APOC2: variants seen among roughly 807,000 people sequenced by gnomAD.
APOC2 encodes the protein apolipoprotein C-II.
Under a neutral mutation model 10.2 loss-of-function variants are expected in APOC2, and 6 were observed. That is an observed-to-expected ratio of 0.59 (90% CI 0.32 to 1.16). The LOEUF (loss-of-function observed/expected upper bound fraction) is 1.16, where lower values mean the gene tolerates loss of function less well. Ranked by LOEUF, APOC2 falls within the 50% of genes most tolerant of loss-of-function variation. The pLI is 0.05. For missense variants in APOC2, 110 were observed against 117.6 expected (o/e 0.94, Z 0.30); for synonymous variants, 56 against 48.5 (o/e 1.15, Z -0.64).
chr19:44,948,389 C>A (rs546164458), intron 1 of APOC2, 77 bp from the exon 2 acceptor site: 17 of 1,252,752 alleles, frequency 1.4e-5, no homozygotes, highest in East Asian at 9.3e-5. Flanking sequence ...CTCAGTCCCC[C>A]CCACCAGAGT....
chr19:44,949,496 A>G lies in APOC2; in HGVS notation c.*247A>G. ...CATTTAATGAGCACCTACTTTATGTATGGAGCTCTAACCCATGGGTCCATG... is the reference window on the plus strand; with the variant it reads ...CATTTAATGAGCACCTACTTTATGTGTGGAGCTCTAACCCATGGGTCCATG... On this transcript the variant is annotated 3_prime_UTR_variant, in exon 4 of 4. Transcript: ENST00000252490. 1.8e-6 allele frequency: 1 copy of G among 558,960 alleles called. No individual in the cohort carries two copies. The highest frequency in any genetic ancestry group is 2.0e-5 in the South Asian group (1 of 49,796). 34.6% of individuals were successfully genotyped at this position (558,960 alleles called of 1,614,324 possible).
intron 1 of APOC2, among the ~76,000 whole-genome samples, chr19:44,946,815 C>CA (rs1232923745): frequency 6.6e-6 from 1 of 151,914 alleles, no homozygotes; most frequent in South Asian, 2.1e-4. Context: ...GAGCAAGACT[C>CA]AGTCTTGGCG....
At chr19:44,948,305 C>T in intron 1 of APOC2, 161 bp from the exon 2 acceptor site, 1 of 669,194 alleles carries the variant, frequency 1.5e-6, no homozygotes, top group Non-Finnish European at 2.8e-6. Context: ...GAAAGTGAGG[C>T]CCAAGAAGGG....
In APOC2 at chr19:44,948,391, C is replaced by G. The variant is rs12709887; in HGVS notation, c.-13-75C>G. Reference sequence around the variant, plus strand: ...CACAGAGCAGGATCTCAGTCCCCCCCACCAGAGTGGGGCGTGACCACAGGA... The same window carrying G: ...CACAGAGCAGGATCTCAGTCCCCCCGACCAGAGTGGGGCGTGACCACAGGA... On this transcript the variant is annotated intron_variant, in intron 1 of 3. Transcript: ENST00000252490. The G allele has an allele frequency of 2.6e-3, 3,299 of 1,278,286 alleles. 46 individuals are homozygous for G. The African/African-American group carries it at 0.034, about 13-fold the overall frequency. 79.2% of individuals were successfully genotyped at this position (1,278,286 alleles called of 1,614,324 possible). A position where few individuals can be genotyped will look rare whatever the true frequency, so the allele number is the denominator to read the frequency against.
chr19:44,948,737 T>C lies in APOC2; in HGVS notation c.92T>C (p.Met31Thr), dbSNP rs1280112768. The change falls in exon 3 of 4, where the codon ATG becomes ACG. Residue 31 changes from methionine to threonine, a missense_variant. By Grantham distance (81) the Met-to-Thr change is moderately conservative. Transcript: ENST00000252490. The stretch of plus-strand genomic sequence containing the variant: ...ACCCAACAGCCCCAGCAAGATGAGA[T>C]GCCTAGCCCGACCTTCCTCACCCAG... ...QGTQQPQQDE[M>T]PSPTFLTQVK... 1 of 1,614,024 alleles carries C rather than the reference T, an allele frequency of 6.2e-7. No homozygotes were observed. Among genetic ancestry groups the C allele is most frequent in the East Asian group, 2.2e-5 (1 of 44,884 alleles).
At chr19:44,948,388 C>A (rs1448244530) in intron 1 of APOC2, 78 bp from the exon 2 acceptor site, 9 of 1,241,948 alleles carry the variant, frequency 7.2e-6, no homozygotes, top group Admixed American at 6.7e-5. Context: ...TCTCAGTCCC[C>A]CCCACCAGAG....
At position 44,949,267 on chromosome 19, in the gene APOC2, A is replaced by G. The variant is rs759917728; in HGVS notation, c.*18A>G. 1.2e-6 allele frequency: 2 copies of G among 1,608,566 alleles called. No individual in the cohort carries two copies. Among genetic ancestry groups the G allele is most frequent in the Non-Finnish European group, 1.7e-6 (2 of 1,176,430 alleles). ...AGGAGTAACAGCCAGACCCCCCATC[A>G]GTGGACAAGGGGAGAGTCCCCTACT... On this transcript the variant is annotated 3_prime_UTR_variant, in exon 4 of 4. Transcript: ENST00000252490.
chr19:44,948,386 C>T lies in APOC2; in HGVS notation c.-13-80C>T, dbSNP rs1171025441. 5 of 1,205,540 alleles carry T rather than the reference C, an allele frequency of 4.1e-6. No individual in the cohort carries two copies. In the African/African-American group the frequency reaches 6.0e-5, roughly 15 times the overall value. The allele number at this position is 1,205,540 out of a possible 1,614,324, so 74.7% of individuals were successfully genotyped here. A position where few individuals can be genotyped will look rare whatever the true frequency, so the allele number is the denominator to read the frequency against. Reference sequence around the variant, plus strand: ...GCTCACACAGAGCAGGATCTCAGTCCCCCCCACCAGAGTGGGGCGTGACCA... The same window carrying T: ...GCTCACACAGAGCAGGATCTCAGTCTCCCCCACCAGAGTGGGGCGTGACCA... On this transcript the variant is annotated intron_variant, in intron 1 of 3. Transcript: ENST00000252490.
chr19:44,946,788 C>T (rs1970326585), intron 1 of APOC2, among the ~76,000 whole-genome samples: 1 of 151,724 alleles, frequency 6.6e-6, no homozygotes, highest in Non-Finnish European at 1.5e-5. Context: ...TGCCACTGTA[C>T]TCTAGCCTGG....
chr19:44,948,295 GA>G (rs1970344041), intron 1 of APOC2, 170 bp from the exon 2 acceptor site: 1 of 647,762 alleles, frequency 1.5e-6, no homozygotes, highest in South Asian at 1.7e-5. Context: ...CAGAATGTTG[GA>G]AAGTGAGGCC....
rs1335620107 is a variant in APOC2 at position 44,949,418 on chromosome 19, G to A, written c.*169G>A. The stretch of plus-strand genomic sequence containing the variant: ...CAAGTTGCTTCTCATGGATGGCACT[G>A]CTTTTCTGAGGACTCAAGGGCCAAG... On this transcript the variant is annotated 3_prime_UTR_variant, in exon 4 of 4. Transcript: ENST00000252490. 6.2e-6 allele frequency: 4 copies of A among 648,624 alleles called. No homozygotes were observed. Among genetic ancestry groups the A allele is most frequent in the Non-Finnish European group, 8.3e-6 (3 of 363,016 alleles). The allele number at this position is 648,624 out of a possible 1,614,324, so 40.2% of individuals were successfully genotyped here.
chr19:44,948,823 G>C lies in APOC2; in HGVS notation c.178G>C (p.Glu60Gln). Residue 60 changes from glutamate (E) to glutamine (Q), a missense_variant, in exon 3 of 4, where the codon GAG becomes CAG. Transcript: ENST00000252490. ...AAAGACAGCCGCCCAGAACCTGTAC[G>C]AGAAGACATACCTGCCCGCTGTAGA... ...SAKTAAQNLY[E>Q]KTYLPAVDEK... The C allele has an allele frequency of 6.2e-7, 1 of 1,613,886 alleles. No individual in the cohort carries two copies. The highest frequency in any genetic ancestry group is 8.5e-7 in the Non-Finnish European group (1 of 1,180,018).
intron 1 of APOC2, among the ~76,000 whole-genome samples, chr19:44,946,449 G>A (rs572723052): frequency 8.9e-4 from 136 of 152,260 alleles, no homozygotes; most frequent in African/African-American, 3.1e-3. Flanking sequence ...TTGAGCCCAG[G>A]AGTTTGAGGA....
chr19:44,948,764 T>G lies in APOC2; in HGVS notation c.119T>G (p.Val40Gly). Residue 40 changes from valine to glycine, a missense_variant, in exon 3 of 4, where the codon GTG (valine) becomes GGG (glycine). Coordinates refer to ENST00000252490, the MANE Select transcript of APOC2 (RefSeq NM_000483.5). The part of the protein sequence containing the change: ...EMPSPTFLTQ[V>G]KESLSSYWES... ...CCTAGCCCGACCTTCCTCACCCAGG[T>G]GAAGGAATCTCTCTCCAGTTACTGG... The G allele has an allele frequency of 1.9e-6, 3 of 1,614,116 alleles. No homozygotes were observed. The highest frequency in any genetic ancestry group is 2.5e-6 in the Non-Finnish European group (3 of 1,180,010).
intron 1 of APOC2, among the ~76,000 whole-genome samples, chr19:44,946,595 G>A (rs1288160321): frequency 6.6e-6 from 1 of 152,086 alleles, no homozygotes; most frequent in Non-Finnish European, 1.5e-5. Context: ...GCCGAGGCGG[G>A]TGGATCACTT....
chr19:44,949,302 C>T lies in APOC2; in HGVS notation c.*53C>T. ...GGGAGAGTCCCCTACTCCCCTGATCCCCCAGGTTCAGACTGAGCTCCCCCT... is the reference window on the plus strand; with the variant it reads ...GGGAGAGTCCCCTACTCCCCTGATCTCCCAGGTTCAGACTGAGCTCCCCCT... On this transcript the variant is annotated 3_prime_UTR_variant, in exon 4 of 4. Transcript: ENST00000252490. 2.7e-6 allele frequency: 4 copies of T among 1,473,490 alleles called. No individual in the cohort carries two copies. Among genetic ancestry groups the T allele is most frequent in the Non-Finnish European group, 3.8e-6 (4 of 1,061,704 alleles). 91.3% of individuals were successfully genotyped at this position (1,473,490 alleles called of 1,614,324 possible).
Position 44,948,494 on chromosome 19 carries a change from C to T in APOC2, c.16C>T (p.Leu6Phe). The T allele has an allele frequency of 6.2e-7, 1 of 1,614,132 alleles. No individual in the cohort carries two copies. The highest frequency in any genetic ancestry group is 1.1e-5 in the South Asian group (1 of 91,070). The change falls in exon 2 of 4, where the codon CTC (leucine) becomes TTC (phenylalanine). Residue 6 changes from leucine (L) to phenylalanine (F), a missense_variant. Physicochemically the swap from Leu to Phe is conservative, Grantham distance 22 (BLOSUM62 0). Coordinates refer to ENST00000252490, the MANE Select transcript of APOC2 (RefSeq NM_000483.5). Reference sequence around the variant, plus strand: ...TCTGGACACTATGGGCACACGACTCCTCCCAGCTCTGTTTCTTGTCCTCCT... The same window carrying T: ...TCTGGACACTATGGGCACACGACTCTTCCCAGCTCTGTTTCTTGTCCTCCT... MGTRL[L>F]PALFLVLLVL...
chr19:44,947,529 TC>T (rs1274569047), intron 1 of APOC2, among the ~76,000 whole-genome samples: 1 of 152,182 alleles, frequency 6.6e-6, no homozygotes, highest in Non-Finnish European at 1.5e-5. Flanking sequence ...GCTCAGTGGC[TC>T]ACACCTGTAC....
intron 3 of APOC2, 147 bp from the exon 4 acceptor site, chr19:44,949,012 C>CCAT: frequency 9.4e-7 from 1 of 1,060,794 alleles, no homozygotes; most frequent in Non-Finnish European, 1.3e-6. Flanking sequence ...GGCCCCCAGC[C>CCAT]CGTCCTCCCT....
Sources: allele counts gnomAD v4.1 joint callset (sites outside exome capture counted in the v4.1 genomes callset), GRCh38; gene constraint gnomAD v4.1.1; transcripts MANE v1.5; gene names NCBI Gene and HGNC (gene_info 2026-07-23, HGNC 2026-07-21).